Variants in DDX54 observed in about 807,000 individuals in gnomAD.
DDX54 encodes ATP-dependent RNA helicase DDX54.
DDX54 carries 67 observed loss-of-function variants against 105.5 expected under a neutral mutation model. That is an observed-to-expected ratio of 0.64 (90% CI 0.52 to 0.78). The LOEUF (loss-of-function observed/expected upper bound fraction) is 0.78. Ranked by LOEUF, DDX54 falls within the 30% of genes least tolerant of loss-of-function variation. The pLI is 0.00. For synonymous variants in DDX54, 514 were observed against 509.9 expected (o/e 1.01, Z -0.11); for missense variants, 1,206 against 1,230.5 (o/e 0.98, Z 0.30).
At chr12:113,173,987 C>T (rs1952367430) in intron 10 of DDX54, among the ~76,000 whole-genome samples, 1 of 151,992 alleles carries the variant, frequency 6.6e-6, no homozygotes, top group South Asian at 2.1e-4. Context: ...GTTCAAGACC[C>T]ACCTGGCCAA....
At chr12:113,171,411 G>A (rs1952337837) in intron 11 of DDX54, among the ~76,000 whole-genome samples, 1 of 152,014 alleles carries the variant, frequency 6.6e-6, no homozygotes, top group Admixed American at 6.6e-5. Context: ...AGACCACCTT[G>A]GCCAACATGG....
chr12:113,172,314 C>A, intron 11 of DDX54, 39 bp downstream of exon 11: 1 of 1,595,896 alleles, frequency 6.3e-7, no homozygotes, highest in African/African-American at 1.3e-5. Context: ...CAGGATCCGG[C>A]ACCCCTGCCT....
chr12:113,182,633 C>T (rs752718953), intron 1 of DDX54, among the ~76,000 whole-genome samples: 3 of 151,814 alleles, frequency 2.0e-5, no homozygotes, highest in Non-Finnish European at 4.4e-5. Context: ...TCTTGGCTCA[C>T]TGCAGCCTCC....
At chr12:113,180,530 C>T (rs543281778) in intron 2 of DDX54, among the ~76,000 whole-genome samples, 38 of 152,300 alleles carry the variant, frequency 2.5e-4, no homozygotes, top group African/African-American at 8.9e-4. Context: ...GCACCCAGCA[C>T]TCATCTTGAT....
chr12:113,162,031 A>G, intron 17 of DDX54, 34 bp from the exon 18 acceptor site: 1 of 1,605,370 alleles, frequency 6.2e-7, no homozygotes. Flanking sequence ...GCTGCCGTGG[A>G]GGGAAACCCT....
chr12:113,159,335 C>G (rs748811265), intron 19 of DDX54: 2 of 531,536 alleles, frequency 3.8e-6, no homozygotes, highest in Non-Finnish European at 6.5e-6. Context: ...GCTGTGACCT[C>G]TTGGACCGTG....
intron 12 of DDX54, chr12:113,167,970 A>G (rs1209163520): frequency 2.0e-6 from 1 of 505,580 alleles, no homozygotes; most frequent in Non-Finnish European, 3.9e-6. Context: ...TGGCCCTTGC[A>G]CTCTCAGCTT....
At chr12:113,180,868 G>C in intron 2 of DDX54, 61 bp downstream of exon 2, 1 of 1,605,148 alleles carries the variant, frequency 6.2e-7, no homozygotes, top group South Asian at 1.1e-5. Context: ...ATGGAGTGCA[G>C]AGGCGGGGTT....
In DDX54 at chr12:113,169,901, C is replaced by T. The variant is rs891338950; in HGVS notation, c.1283G>A (p.Arg428His). 3.1e-6 allele frequency: 5 copies of T among 1,613,816 alleles called. No individual in the cohort carries two copies. The highest frequency in any genetic ancestry group is 1.3e-5 in the African/African-American group (1 of 74,922). The stretch of plus-strand genomic sequence containing the variant: ...GCCACTTCGGCCAGCCCGAGCCACA[C>T]GGCCTGCAGCAAGGAGACGTTCAAG... The part of the protein sequence containing the change: ...KGKLFLHRVG[R>H]VARAGRSGTA... The change falls in exon 12 of 20, where the codon CGT becomes CAT. Residue 428 changes from arginine to histidine, a missense_variant. Physicochemically the swap from Arg to His is conservative, Grantham distance 29. Transcript: ENST00000306014.
intron 12 of DDX54, among the ~76,000 whole-genome samples, chr12:113,168,107 C>T (rs1952297244): frequency 1.3e-5 from 2 of 152,282 alleles, no homozygotes; most frequent in African/African-American, 2.4e-5. Flanking sequence ...CCAGGCCCCG[C>T]AGCCCTTTCC....
intron 12 of DDX54, 64 bp from the exon 13 acceptor site, chr12:113,166,096 C>T (rs948671329): frequency 1.5e-5 from 23 of 1,512,022 alleles, no homozygotes; most frequent in Non-Finnish European, 2.0e-5. Flanking sequence ...ACTGCCCGAC[C>T]ACCACTCTTG....
At chr12:113,170,047 G>T in intron 11 of DDX54, 143 bp from the exon 12 acceptor site, 2 of 1,174,152 alleles carry the variant, frequency 1.7e-6, no homozygotes, top group Non-Finnish European at 2.3e-6. Context: ...GCACAGGGAA[G>T]TTTAATCCCG....
At chr12:113,179,824 A>G (rs1952445126) in intron 3 of DDX54, 111 bp downstream of exon 3, 2 of 1,292,638 alleles carry the variant, frequency 1.5e-6, no homozygotes, top group Admixed American at 3.5e-5. Context: ...CAGCAGAGTA[A>G]AGGGGGCAGG....
chr12:113,169,829 T>C lies in DDX54; in HGVS notation c.1355A>G (p.Asp452Gly), dbSNP rs1952315740. Residue 452 changes from aspartate to glycine, a missense_variant, in exon 12 of 20, where the codon GAT (aspartate) becomes GGT (glycine). Physicochemically the swap from Asp to Gly is moderately conservative, Grantham distance 94 (BLOSUM62 -1). This residue lies in a region of DDX54 where 961 missense variants were observed against 1,019.1 expected (regional missense o/e 0.94). Coordinates refer to ENST00000306014, the MANE Select transcript of DDX54 (RefSeq NM_024072.4). ...GGAGCGGCCCAGGAACAGGTGCAGA[T>C]CCAGCAGGTAGGGGATTTCATCAGG... ...VAPDEIPYLL[D>G]LHLFLGRSLT... is the part of the protein sequence containing the mutation. 1 of 1,613,778 alleles carries C rather than the reference T, an allele frequency of 6.2e-7. No homozygotes were observed. The highest frequency in any genetic ancestry group is 1.1e-5 in the South Asian group (1 of 91,070).
Position 113,177,075 on chromosome 12 carries a change from T to A in DDX54, c.633A>T (p.Ala211=). ...ACATGTCGGGATTTTCGTGCAGGGC[T>A]GCAAACTGGTCTTCCATCCTAGAGA... ...LGGDRMEDQF[A]ALHENPDIII... Residue 211 remains alanine, a synonymous_variant, in exon 6 of 20, where the codon GCA becomes GCT. Coordinates refer to ENST00000306014, the MANE Select transcript of DDX54 (RefSeq NM_024072.4). 1 of 1,614,122 alleles carries A rather than the reference T, an allele frequency of 6.2e-7. No homozygotes were observed. Among genetic ancestry groups the A allele is most frequent in the African/African-American group, 1.3e-5 (1 of 75,044 alleles).
intron 15 of DDX54, 47 bp downstream of exon 15, chr12:113,164,020 C>A (rs1952241857): frequency 1.3e-6 from 2 of 1,512,054 alleles, no homozygotes; most frequent in Non-Finnish European, 8.9e-7. Context: ...ACTTAGCCAC[C>A]CCTTCCCCAT....
Position 113,163,571 on chromosome 12 carries a change from A to G in DDX54, c.1939-297T>C, listed in dbSNP as rs978058605. Among the ~76,000 whole-genome samples, 15 of 152,084 alleles carry G rather than the reference A, an allele frequency of 9.9e-5. No homozygotes were observed. The highest frequency in any genetic ancestry group is 1.3e-4 in the Non-Finnish European group (9 of 68,002). ...ACTCCCCATTCCAGCTCCGCACCCCAGGCTATGTGACAGCCGGCCCTGCCC... is the reference window on the plus strand; with the variant it reads ...ACTCCCCATTCCAGCTCCGCACCCCGGGCTATGTGACAGCCGGCCCTGCCC... On this transcript the variant is annotated intron_variant, in intron 15 of 19. Transcript: ENST00000306014. The surrounding 1 kb of genome is among the most constrained non-coding windows in gnomAD (Gnocchi z 5.9).
At position 113,163,306 on chromosome 12, in the gene DDX54, T is replaced by C. The variant is rs2136314703; in HGVS notation, c.1939-32A>G. ...GAGCACAGACCAAGGCCCAGTGTCA[T>C]GCCTGCTGCCCCCTGGGGACTTCCC... On this transcript the variant is annotated intron_variant, in intron 15 of 19. Coordinates refer to ENST00000306014, the MANE Select transcript of DDX54 (RefSeq NM_024072.4). The surrounding 1 kb of genome is among the most constrained non-coding windows in gnomAD (Gnocchi z 5.9). The C allele has an allele frequency of 6.3e-7, 1 of 1,595,324 alleles. No individual in the cohort carries two copies. Among genetic ancestry groups the C allele is most frequent in the South Asian group, 1.1e-5 (1 of 90,228 alleles).
Position 113,169,762 on chromosome 12 carries a change from C to G in DDX54, c.1414+8G>C. 6.2e-7 allele frequency: 1 copy of G among 1,613,600 alleles called. No homozygotes were observed. Among genetic ancestry groups the G allele is most frequent in the South Asian group, 1.1e-5 (1 of 91,044 alleles). On this transcript the variant is annotated splice_region_variant and intron_variant, in intron 12 of 19. Transcript: ENST00000306014. ...GGGGACCCCTATCCCCACCCAGCCT[C>G]CACTCACCTGAGGGCTCCTTGAGGG...
Sources: allele counts gnomAD v4.1 joint callset (sites outside exome capture counted in the v4.1 genomes callset), GRCh38; gene constraint gnomAD v4.1.1; regional missense constraint gnomAD v4.1.1; non-coding constraint Gnocchi (gnomAD v3.1); transcripts MANE v1.5; gene names NCBI Gene and HGNC (gene_info 2026-07-23, HGNC 2026-07-21).